SEMA5A: variants seen among roughly 807,000 people sequenced by gnomAD.
SEMA5A encodes semaphorin 5A, also known as semaphorin-5A.
A neutral mutation model predicts 135.5 loss-of-function variants in SEMA5A; 55 were observed. The ratio of observed to expected loss-of-function variants is 0.41; its 90% confidence interval spans 0.33 to 0.51. The LOEUF (loss-of-function observed/expected upper bound fraction) is 0.51. Among genes scored for constraint, SEMA5A ranks in the 20% least tolerant of loss-of-function variants. SEMA5A has a pLI of 0.37. For missense variants in SEMA5A, 1,290 were observed against 1,419.9 expected, an observed-to-expected ratio of 0.91 and a Z score of 1.47; for synonymous variants, 580 against 546.5, an observed-to-expected ratio of 1.06 and a Z score of -0.85.
chr5:9,333,354 CA>C (rs1003727870), intron 4 of SEMA5A, among the ~76,000 whole-genome samples: 31 of 152,296 alleles, frequency 2.0e-4, no homozygotes, highest in African/African-American at 7.5e-4. Flanking sequence ...AAATGTCCAA[CA>C]GCATTCAAAC....
intron 4 of SEMA5A, among the ~76,000 whole-genome samples, chr5:9,332,750 T>C (rs1753210263): frequency 6.6e-6 from 1 of 152,282 alleles, no homozygotes; most frequent in African/African-American, 2.4e-5. Context: ...GCATCTCTAG[T>C]GCCTTTTGTT....
intron 15 of SEMA5A, among the ~76,000 whole-genome samples, chr5:9,116,854 C>T (rs1463595261): frequency 6.6e-6 from 1 of 152,050 alleles, no homozygotes; most frequent in Non-Finnish European, 1.5e-5. Context: ...GTGAAGAGAC[C>T]TTTCATATAA....
intron 16 of SEMA5A, among the ~76,000 whole-genome samples, chr5:9,096,913 G>A (rs1002102385): frequency 3.3e-5 from 5 of 151,958 alleles, no homozygotes; most frequent in Admixed American, 6.6e-5. Context: ...CGCCTGTTAG[G>A]ACAGGTACTC....
intron 22 of SEMA5A, among the ~76,000 whole-genome samples, chr5:9,043,709 T>C (rs1446002593): frequency 1.3e-5 from 2 of 152,210 alleles, no homozygotes; most frequent in Non-Finnish European, 2.9e-5. Context: ...GAAGGATTCG[T>C]TAAAGACTGG....
intron 16 of SEMA5A, among the ~76,000 whole-genome samples, chr5:9,098,549 A>G (rs1214225692): frequency 2.0e-5 from 3 of 152,336 alleles, no homozygotes; most frequent in Middle Eastern, 3.4e-3. Context: ...ATAAACTTCT[A>G]TTAAGACTTT....
At chr5:9,173,584 C>G (rs1175243805) in intron 11 of SEMA5A, among the ~76,000 whole-genome samples, 1 of 152,092 alleles carries the variant, frequency 6.6e-6, no homozygotes, top group African/African-American at 2.4e-5. Context: ...CTATTGGGCA[C>G]TAATCCCATT....
chr5:9,208,024 C>T (rs1253359852), intron 8 of SEMA5A, among the ~76,000 whole-genome samples: 1 of 152,186 alleles, frequency 6.6e-6, no homozygotes, highest in Non-Finnish European at 1.5e-5. Context: ...CTTCCACCTA[C>T]TGGCTGTGTG....
chr5:9,507,896 C>G (rs1259003788), intron 1 of SEMA5A, among the ~76,000 whole-genome samples: 1 of 151,666 alleles, frequency 6.6e-6, no homozygotes, highest in Non-Finnish European at 1.5e-5. Flanking sequence ...CCCAGCTACT[C>G]GGGAGGCTGA....
intron 10 of SEMA5A, among the ~76,000 whole-genome samples, chr5:9,195,850 C>T (rs1300541079): frequency 1.3e-5 from 2 of 152,252 alleles, no homozygotes; most frequent in African/African-American, 4.8e-5. Context: ...GTCCCAGATA[C>T]AGGACCCACT....
intron 5 of SEMA5A, among the ~76,000 whole-genome samples, chr5:9,288,469 C>T (rs73048649): frequency 0.015 from 2,224 of 152,192 alleles, 32 homozygotes; most frequent in Admixed American, 0.038. Context: ...CAGCTGGCCG[C>T]GAGAGGGCAC....
At chr5:9,247,140 C>A (rs1748523732) in intron 5 of SEMA5A, among the ~76,000 whole-genome samples, 1 of 152,142 alleles carries the variant, frequency 6.6e-6, no homozygotes, top group Non-Finnish European at 1.5e-5. Context: ...CCACGCAACT[C>A]TTTGTTGTTT....
At chr5:9,085,579 G>T (rs1381572026) in intron 16 of SEMA5A, among the ~76,000 whole-genome samples, 2 of 152,202 alleles carry the variant, frequency 1.3e-5, no homozygotes, top group African/African-American at 4.8e-5. Flanking sequence ...CTGGGGTTTG[G>T]GAACCTCCAC....
At chr5:9,418,266 G>A (rs1030081678) in intron 2 of SEMA5A, among the ~76,000 whole-genome samples, 1 of 152,086 alleles carries the variant, frequency 6.6e-6, no homozygotes, top group Non-Finnish European at 1.5e-5. Flanking sequence ...ATGAGCCACT[G>A]TGCCTGGCCC....
intron 8 of SEMA5A, among the ~76,000 whole-genome samples, chr5:9,219,308 A>G (rs1746801864): frequency 1.3e-5 from 2 of 152,140 alleles, no homozygotes; most frequent in African/African-American, 4.8e-5. Flanking sequence ...TCTCTGCAGG[A>G]CCTGGGGTTG....
At position 9,042,861 on chromosome 5, in the gene SEMA5A, C is replaced by A. The variant is rs112981680; in HGVS notation, c.*36G>T. 1.2e-3 allele frequency: 1,915 copies of A among 1,612,494 alleles called. 24 individuals are homozygous for A. The African/African-American group carries it at 0.023, about 19-fold the overall frequency. ...GTCATGGGGCACAGGCCTTGAGGAA[C>A]TGGGGATTTACAAGAAGCCAAAAAC... On this transcript the variant is annotated 3_prime_UTR_variant, in exon 23 of 23. Transcript: ENST00000382496.
intron 1 of SEMA5A, among the ~76,000 whole-genome samples, chr5:9,478,148 C>G (rs1759741640): frequency 6.6e-6 from 1 of 152,234 alleles, no homozygotes; most frequent in Admixed American, 6.5e-5. Context: ...GTTCAGCCTT[C>G]AGGTGCACAG....
intron 2 of SEMA5A, among the ~76,000 whole-genome samples, chr5:9,424,033 T>C (rs937226277): frequency 5.3e-5 from 8 of 152,208 alleles, no homozygotes; most frequent in African/African-American, 1.7e-4. Flanking sequence ...AAATTTTTAA[T>C]GTCAGAAAGT....
chr5:9,341,950 TTAA>T, intron 3 of SEMA5A, among the ~76,000 whole-genome samples: 1 of 152,066 alleles, frequency 6.6e-6, no homozygotes, highest in African/African-American at 2.4e-5. Flanking sequence ...TCCATTTTTT[TTAA>T]TAATCCAGTC....
chr5:9,061,022 C>T (rs373833090), intron 18 of SEMA5A, among the ~76,000 whole-genome samples: 3 of 151,956 alleles, frequency 2.0e-5, no homozygotes, highest in African/African-American at 7.2e-5. Context: ...TCCCTCGAGA[C>T]CCAGCTTAAG....
Sources: gnomAD v4.1 joint callset for allele counts (sites outside exome capture counted in the v4.1 genomes callset) on GRCh38, gnomAD v4.1.1 for gene constraint, MANE v1.5 for transcripts, NCBI Gene and HGNC (gene_info 2026-07-23, HGNC 2026-07-21) for gene names.